SGCD: variants seen among roughly 807,000 people sequenced by gnomAD.
SGCD encodes sarcoglycan delta, also known as delta-sarcoglycan.
In SGCD, 18 loss-of-function variants were observed where a neutral mutation model predicts 36.6. The ratio of observed to expected loss-of-function variants is 0.49; its 90% CI spans 0.34 to 0.73. The LOEUF (loss-of-function observed/expected upper bound fraction) is 0.73. SGCD is among the 30% of genes least tolerant of loss of function. The probability of loss-of-function intolerance (pLI) is 0.01; values close to 1 mark genes in which losing one functional copy is unlikely to be tolerated. For synonymous variants in SGCD, 133 were observed against 130.6 expected, an observed-to-expected ratio of 1.02 and a Z score of -0.12; for missense variants, 387 against 346.7, an observed-to-expected ratio of 1.12 and a Z score of -0.92.
intron 3 of SGCD, among the ~76,000 whole-genome samples, chr5:156,413,673 G>T (rs1476521791): frequency 6.6e-6 from 1 of 152,172 alleles, no homozygotes; most frequent in Non-Finnish European, 1.5e-5. Flanking sequence ...GGTAGAGACA[G>T]AGTCTCAGAA....
intron 7 of SGCD, among the ~76,000 whole-genome samples, chr5:156,653,538 G>A (rs1292365541): frequency 1.0e-5 from 1 of 96,808 alleles, no homozygotes; most frequent in Admixed American, 1.6e-4. Flanking sequence ...TGGTAGCCCG[G>A]ACTGAGTCAG....
intron 3 of SGCD, among the ~76,000 whole-genome samples, chr5:156,296,224 C>T (rs1766889618): frequency 6.6e-6 from 1 of 152,124 alleles, no homozygotes; most frequent in Admixed American, 6.6e-5. Flanking sequence ...GTGGGTTGTA[C>T]CTAGCTGTCC....
At chr5:155,843,404 T>TCACA in the SGCD span, among the ~76,000 whole-genome samples, 2,041 of 150,246 alleles carry the variant, frequency 0.014, 41 homozygotes, top group African/African-American at 0.047. Context: ...TCACTTATGC[T>TCACA]CACACACACA....
intron 7 of SGCD, among the ~76,000 whole-genome samples, chr5:156,670,201 C>A (rs1303779909): frequency 6.6e-6 from 1 of 152,070 alleles, no homozygotes; most frequent in Non-Finnish European, 1.5e-5. Flanking sequence ...TAAAATTGTG[C>A]TTTTATCCAT....
chr5:155,824,473 G>A, the SGCD span, among the ~76,000 whole-genome samples: 3 of 151,896 alleles, frequency 2.0e-5, no homozygotes, highest in Non-Finnish European at 4.4e-5. Flanking sequence ...CCCTTTATTA[G>A]TCTTTATATT....
the SGCD span, among the ~76,000 whole-genome samples, chr5:155,747,781 C>G: frequency 1.1e-4 from 17 of 152,280 alleles, no homozygotes; most frequent in South Asian, 3.5e-3. Flanking sequence ...GCTCCTCCCC[C>G]CTTATCTGTC....
intron 3 of SGCD, among the ~76,000 whole-genome samples, chr5:156,455,913 T>A (rs1334614133): frequency 6.6e-6 from 1 of 152,102 alleles, no homozygotes; most frequent in Non-Finnish European, 1.5e-5. Context: ...AGGCAGAGAT[T>A]AGACTGATGC....
At chr5:156,453,116 C>T (rs751724270) in intron 3 of SGCD, among the ~76,000 whole-genome samples, 16 of 151,994 alleles carry the variant, frequency 1.1e-4, no homozygotes, top group Non-Finnish European at 2.2e-4. Context: ...AATAGAATAG[C>T]ATGAACTTAG....
chr5:156,760,864 G>GTGAT lies in SGCD; in HGVS notation c.*1477_*1480dup, dbSNP rs1244803546. On this transcript the variant is annotated 3_prime_UTR_variant, in exon 9 of 9. Transcript: ENST00000337851. ...TCTTGTTACCTATAGTTTACTTTGG[G>GTGAT]TGATTGGAGGGGAATGACTTAGTTA... The GTGAT allele has an allele frequency of 1.3e-5, 2 of 152,652 alleles. No homozygotes were observed. The highest frequency in any genetic ancestry group is 2.9e-5 in the Non-Finnish European group (2 of 68,064). 9.5% of individuals were successfully genotyped at this position (152,652 alleles called of 1,614,324 possible).
chr5:155,839,816 G>A, the SGCD span, among the ~76,000 whole-genome samples: 3 of 152,114 alleles, frequency 2.0e-5, no homozygotes, highest in African/African-American at 7.2e-5. Flanking sequence ...TGAATAAACA[G>A]CTGAAGTCAG....
intron 3 of SGCD, among the ~76,000 whole-genome samples, chr5:156,295,369 G>T (rs1472997005): frequency 6.6e-6 from 1 of 152,096 alleles, no homozygotes; most frequent in Admixed American, 6.6e-5. Context: ...TCTTGCTGAA[G>T]AGTTGTCAAT....
intron 3 of SGCD, among the ~76,000 whole-genome samples, chr5:156,141,602 C>T (rs1762583179): frequency 6.6e-6 from 1 of 152,150 alleles, no homozygotes; most frequent in Non-Finnish European, 1.5e-5. Flanking sequence ...GTGGTTTTTC[C>T]TCTTATTATA....
At chr5:155,863,265 G>T in the SGCD span, among the ~76,000 whole-genome samples, 3,453 of 152,264 alleles carry the variant, frequency 0.023, 115 homozygotes, top group African/African-American at 0.078. Flanking sequence ...GTTTGAGGCA[G>T]CAGGTTCTCA....
At chr5:156,684,381 T>C (rs955372656) in intron 7 of SGCD, among the ~76,000 whole-genome samples, 1 of 152,202 alleles carries the variant, frequency 6.6e-6, no homozygotes, top group Non-Finnish European at 1.5e-5. Flanking sequence ...GAGGGTTGAA[T>C]AGTCTTTCAC....
At chr5:156,296,856 C>G (rs1297936535) in intron 3 of SGCD, among the ~76,000 whole-genome samples, 2 of 152,004 alleles carry the variant, frequency 1.3e-5, no homozygotes, top group African/African-American at 4.8e-5. Context: ...GAAATGTCTA[C>G]TTCTCCCTTC....
At chr5:156,061,454 A>G (rs1253131386) in intron 1 of SGCD, among the ~76,000 whole-genome samples, 1 of 146,160 alleles carries the variant, frequency 6.8e-6, no homozygotes, top group East Asian at 1.9e-4. Context: ...TTTTAAATTC[A>G]TACACTATAA....
intron 1 of SGCD, among the ~76,000 whole-genome samples, chr5:155,954,118 T>G (rs58299963): frequency 0.033 from 4,955 of 152,270 alleles, 263 homozygotes; most frequent in African/African-American, 0.11. Context: ...TTCTAAAACT[T>G]GACTCTTCTC....
chr5:156,300,466 T>C (rs1812403), intron 3 of SGCD, among the ~76,000 whole-genome samples: 34,870 of 151,978 alleles, frequency 0.23, 4,328 homozygotes, highest in Admixed American at 0.28. Flanking sequence ...TTTTATTCTA[T>C]TGTTGTCAGA....
intron 3 of SGCD, among the ~76,000 whole-genome samples, chr5:156,482,600 C>A (rs1755479667): frequency 1.3e-5 from 2 of 152,068 alleles, no homozygotes; most frequent in South Asian, 4.1e-4. Flanking sequence ...GAAAAATGAT[C>A]CTCTTTAAAG....
Sources: gnomAD v4.1 joint callset for allele counts (sites outside exome capture counted in the v4.1 genomes callset) on GRCh38, gnomAD v4.1.1 for gene constraint, MANE v1.5 for transcripts, NCBI Gene and HGNC (gene_info 2026-07-23, HGNC 2026-07-21) for gene names.